The following NIN variants were observed in gnomAD, a reference collection of about 807,000 sequenced individuals.
NIN encodes glycogen synthase kinase 3 beta-interacting protein.
Under a neutral mutation model 257.6 loss-of-function variants are expected in NIN, and 137 were observed. The ratio of observed to expected loss-of-function variants is 0.53; its 90% CI spans 0.46 to 0.61. The LOEUF (loss-of-function observed/expected upper bound fraction) is 0.61, where lower values mean the gene tolerates loss of function less well. Among genes scored for constraint, NIN ranks in the 20% least tolerant of loss-of-function variants. NIN has a pLI of 0.00. For synonymous variants in NIN, 918 were observed against 919.8 expected (o/e 1.00, Z 0.04); for missense variants, 2,439 against 2,501.2 (o/e 0.98, Z 0.53).
intron 28 of NIN, among the ~76,000 whole-genome samples, chr14:50,733,543 T>G (rs1408293994): frequency 6.6e-6 from 1 of 152,202 alleles, no homozygotes; most frequent in Non-Finnish European, 1.5e-5. Context: ...TGTTAGCAAA[T>G]ATTTACTACT....
chr14:50,792,831 C>T lies in NIN; in HGVS notation c.316G>A (p.Gly106Arg), dbSNP rs368433121. 6.2e-6 allele frequency: 10 copies of T among 1,614,088 alleles called. No homozygotes were observed. The highest frequency in any genetic ancestry group is 2.7e-5 in the African/African-American group (2 of 74,932). Residue 106 changes from glycine to arginine, a missense_variant, in exon 5 of 31, where the codon GGA becomes AGA. Physicochemically the swap from Gly to Arg is moderately radical, Grantham distance 125. This residue lies in a region of NIN where 387 missense variants were observed against 427.3 expected (regional missense o/e 0.91). Coordinates refer to ENST00000530997, the MANE Select transcript of NIN (RefSeq NM_020921.4). The part of the protein sequence containing the change: ...PKYVRGGKRY[G>R]RRSLPEFQES... ...TGGAACTCGGGCAAGGACCTTCGTCCGTAACGCTTCCCACCTCTAACATAT... is the reference window on the plus strand; with the variant it reads ...TGGAACTCGGGCAAGGACCTTCGTCTGTAACGCTTCCCACCTCTAACATAT...
intron 3 of NIN, among the ~76,000 whole-genome samples, chr14:50,811,872 T>C (rs1216406500): frequency 1.3e-5 from 2 of 151,728 alleles, no homozygotes; most frequent in African/African-American, 4.8e-5. Context: ...CGGGCGCCTG[T>C]AGTCCCAGCT....
At chr14:50,817,313 G>T (rs907302925) in intron 3 of NIN, among the ~76,000 whole-genome samples, 1 of 152,204 alleles carries the variant, frequency 6.6e-6, no homozygotes, top group Admixed American at 6.5e-5. Flanking sequence ...CTACAAGAAA[G>T]TACTTCTCCA....
At position 50,744,344 on chromosome 14, in the gene NIN, A is replaced by G. The variant is rs767768764; in HGVS notation, c.5086T>C (p.Ser1696Pro). ...CTAGAGATTTTTTGCTGGAAGTCAG[A>G]GAGATCGGGACATCTGTGCAGCTGT... ...MKQLHRCPDL[S>P]DFQQKISSVL... Residue 1696 changes from serine (S) to proline (P), a missense_variant, in exon 23 of 31, where the codon TCT (serine) becomes CCT (proline). By Grantham distance (74) the Ser-to-Pro change is moderately conservative. This residue lies in a region of NIN where 2,043 missense variants were observed against 2,050.2 expected (regional missense o/e 1.00). Transcript: ENST00000530997. 3.7e-6 allele frequency: 6 copies of G among 1,613,934 alleles called. No individual in the cohort carries two copies. In the South Asian group the frequency reaches 5.5e-5, roughly 15 times the overall value.
intron 16 of NIN, among the ~76,000 whole-genome samples, chr14:50,761,106 A>G (rs777450867): frequency 1.2e-4 from 19 of 152,194 alleles, no homozygotes; most frequent in African/African-American, 1.9e-4. Flanking sequence ...TATGACAACT[A>G]TAAGTACAGT....
chr14:50,743,029 T>C (rs765680293), intron 24 of NIN, among the ~76,000 whole-genome samples: 1 of 152,188 alleles, frequency 6.6e-6, no homozygotes, highest in Non-Finnish European at 1.5e-5. Context: ...ACTAGCATGA[T>C]CTTGGCTCAC....
At chr14:50,748,547 T>G (rs1281457486) in intron 21 of NIN, among the ~76,000 whole-genome samples, 2 of 152,200 alleles carry the variant, frequency 1.3e-5, no homozygotes, top group African/African-American at 4.8e-5. Flanking sequence ...TGTTTGCAGA[T>G]GACGTGATTG....
intron 3 of NIN, among the ~76,000 whole-genome samples, chr14:50,808,964 T>C (rs935318859): frequency 4.6e-5 from 7 of 152,188 alleles, no homozygotes; most frequent in African/African-American, 1.4e-4. Flanking sequence ...CTCACGCCTG[T>C]AATCCCAGCA....
At position 50,810,914 on chromosome 14, in the gene NIN, G is replaced by A. The variant is rs192943172; in HGVS notation, c.184-4096C>T. 5.5e-3 allele frequency among the ~76,000 whole-genome samples: 834 copies of A among 152,064 alleles called. 4 individuals are homozygous for A. The highest frequency in any genetic ancestry group is 8.2e-3 in the Non-Finnish European group (560 of 67,972). On this transcript the variant is annotated intron_variant, in intron 3 of 30. Transcript: ENST00000530997. ...CCTGACCTCGTGATCTGCCCACCTC[G>A]GCCTCTGAAAGTGCTGGGATTACAG...
At position 50,757,314 on chromosome 14, in the gene NIN, T is replaced by C; in HGVS notation, c.3716A>G (p.Glu1239Gly). The change falls in exon 18 of 31, where the codon GAG becomes GGG. Residue 1239 changes from glutamate (E) to glycine (G), a missense_variant. Glu to Gly is a moderately conservative substitution (Grantham distance 98). Around this residue, in one of 3 missense-constraint regions of NIN, gnomAD observed 2,043 missense variants for 2,050.2 expected, o/e 1.00. Coordinates refer to ENST00000530997, the MANE Select transcript of NIN (RefSeq NM_020921.4). ...TTTGGGAGAAGCCTCAGGGATTCTC[T>C]CAAGCATCTTCAGTTTCTTTTTTAG... ...SVLKKKLKML[E>G]RIPEASPKYK... The C allele has an allele frequency of 6.2e-7, 1 of 1,613,946 alleles. No homozygotes were observed. Among genetic ancestry groups the C allele is most frequent in the Non-Finnish European group, 8.5e-7 (1 of 1,179,972 alleles).
chr14:50,820,301 C>A (rs938536143), intron 3 of NIN, among the ~76,000 whole-genome samples: 1 of 152,176 alleles, frequency 6.6e-6, no homozygotes, highest in Non-Finnish European at 1.5e-5. Context: ...TTGAGTCTAC[C>A]AAATGAGGGC....
At chr14:50,784,633 T>C (rs2043266674) in intron 5 of NIN, among the ~76,000 whole-genome samples, 1 of 152,218 alleles carries the variant, frequency 6.6e-6, no homozygotes, top group Non-Finnish European at 1.5e-5. Context: ...CTCTTTAAAA[T>C]CTACAGCCTT....
chr14:50,740,730 C>T (rs1023098730), intron 25 of NIN, among the ~76,000 whole-genome samples: 1 of 152,184 alleles, frequency 6.6e-6, no homozygotes, highest in Non-Finnish European at 1.5e-5. Context: ...GGTCTGCCTG[C>T]CTCGGCCTCC....
At chr14:50,747,752 G>GT (rs1566798791) in intron 22 of NIN, among the ~76,000 whole-genome samples, 1 of 125,138 alleles carries the variant, frequency 8.0e-6, no homozygotes, top group Non-Finnish European at 1.7e-5. Context: ...AAAAAAAAAG[G>GT]GGGGGATTTT....
At position 50,733,437 on chromosome 14, in the gene NIN, G is replaced by A. The variant is rs548290455; in HGVS notation, c.5877+2079C>T. 2.6e-5 allele frequency among the ~76,000 whole-genome samples: 4 copies of A among 152,290 alleles called. No homozygotes were observed. In the East Asian group the frequency reaches 5.8e-4, roughly 22 times the overall value. The stretch of plus-strand genomic sequence containing the variant: ...AATGAAAGTTTCATTAGAATAAATA[G>A]GTATGAGATGTTCTTTTCAGTGTTC... On this transcript the variant is annotated intron_variant, in intron 28 of 30. Coordinates refer to ENST00000530997, the MANE Select transcript of NIN (RefSeq NM_020921.4).
intron 5 of NIN, among the ~76,000 whole-genome samples, chr14:50,779,615 A>G (rs896552427): frequency 8.5e-5 from 13 of 152,160 alleles, no homozygotes; most frequent in African/African-American, 1.9e-4. Context: ...AAAATTAGCC[A>G]GGCGAGGTGG....
intron 14 of NIN, among the ~76,000 whole-genome samples, chr14:50,764,816 G>A (rs1277410197): frequency 1.3e-5 from 2 of 152,032 alleles, no homozygotes; most frequent in Admixed American, 1.3e-4. Context: ...AGGGGGCTTG[G>A]GAGAGATTAT....
chr14:50,766,467 C>G, intron 13 of NIN, 71 bp from the exon 14 acceptor site: 2 of 1,331,896 alleles, frequency 1.5e-6, no homozygotes, highest in South Asian at 2.4e-5. Flanking sequence ...AGCAAAGGCC[C>G]AGTTTCTGGT....
intron 12 of NIN, among the ~76,000 whole-genome samples, 195 bp from the exon 13 acceptor site, chr14:50,767,085 C>T (rs1195808295): frequency 3.9e-5 from 6 of 152,104 alleles, no homozygotes; most frequent in Non-Finnish European, 7.4e-5. Flanking sequence ...TAAGTTTGCC[C>T]TTTTGTTTTT....
Sources: gnomAD v4.1 joint callset for allele counts (sites outside exome capture counted in the v4.1 genomes callset) on GRCh38, gnomAD v4.1.1 for gene constraint, gnomAD v4.1.1 regional missense constraint, MANE v1.5 for transcripts, NCBI Gene and HGNC (gene_info 2026-07-23, HGNC 2026-07-21) for gene names.